The following TANC1 variants were observed in gnomAD, a reference collection of about 807,000 sequenced individuals.
TANC1 encodes tetratricopeptide repeat, ankyrin repeat and coiled-coil containing 1, also known as protein TANC1.
In TANC1, 77 loss-of-function variants were observed where a neutral mutation model predicts 149.7. The ratio of observed to expected loss-of-function variants is 0.51; its 90% CI spans 0.43 to 0.62. The LOEUF (loss-of-function observed/expected upper bound fraction) is 0.62. Among genes scored for constraint, TANC1 ranks in the 20% least tolerant of loss-of-function variants. The probability of loss-of-function intolerance (pLI) is 0.00; values close to 1 mark genes in which losing one functional copy is unlikely to be tolerated. For missense variants in TANC1, 1,985 were observed against 2,321.8 expected (o/e 0.85, Z 2.98); for synonymous variants, 854 against 925.0 (o/e 0.92, Z 1.39).
intron 2 of TANC1, among the ~76,000 whole-genome samples, chr2:159,033,522 CT>C (rs1379592669): frequency 6.6e-6 from 1 of 152,138 alleles, no homozygotes; most frequent in Non-Finnish European, 1.5e-5. Flanking sequence ...ATGGGATACA[CT>C]TTGGGAAACA....
In TANC1 at chr2:159,110,738, G is replaced by A. The variant is rs970202063; in HGVS notation, c.259+12904G>A. 9.9e-5 allele frequency among the ~76,000 whole-genome samples: 15 copies of A among 152,246 alleles called. 1 individual carries two copies. The highest frequency in any genetic ancestry group is 7.8e-4 in the Admixed American group (12 of 15,306). The stretch of plus-strand genomic sequence containing the variant: ...AATTTCCATGTCACCATCTTCCCTG[G>A]AGCCCATCTTCAGCTTCCCTCGTGT... On this transcript the variant is annotated intron_variant, in intron 4 of 26. Transcript: ENST00000263635.
chr2:159,178,228 G>T (rs532833510), intron 13 of TANC1, among the ~76,000 whole-genome samples: 3 of 152,332 alleles, frequency 2.0e-5, no homozygotes, highest in East Asian at 3.9e-4. Context: ...ATGGGTATCA[G>T]GTCACCTGCA....
chr2:159,156,693 C>G (rs538269727), intron 7 of TANC1, among the ~76,000 whole-genome samples: 1 of 152,294 alleles, frequency 6.6e-6, no homozygotes, highest in Non-Finnish European at 1.5e-5. Context: ...TAATCGAACT[C>G]TTTTCCAAAG....
At chr2:158,992,669 A>ATTTTTTTTTTTT (rs70994251) in intron 1 of TANC1, among the ~76,000 whole-genome samples, 59 of 112,496 alleles carry the variant, frequency 5.2e-4, no homozygotes, top group African/African-American at 9.0e-4. Context: ...TGCCCAGCTA[A>ATTTTTTTTTTTT]TTTTTTTTTT....
chr2:159,169,550 C>G (rs180918241), intron 9 of TANC1, among the ~76,000 whole-genome samples, 178 bp downstream of exon 9: 1 of 152,262 alleles, frequency 6.6e-6, no homozygotes, highest in African/African-American at 2.4e-5. Context: ...TTTGGGGCTT[C>G]TTCCTTTAAA....
At chr2:159,081,643 G>A (rs2044283035) in intron 3 of TANC1, among the ~76,000 whole-genome samples, 1 of 152,178 alleles carries the variant, frequency 6.6e-6, no homozygotes, top group African/African-American at 2.4e-5. Context: ...TGGATTTTGT[G>A]TATGGGAGTA....
Position 159,059,545 on chromosome 2 carries a change from G to A in TANC1, c.-15-6351G>A, listed in dbSNP as rs2042082849. 2.0e-5 allele frequency among the ~76,000 whole-genome samples: 3 copies of A among 151,904 alleles called. No individual in the cohort carries two copies. The South Asian group carries it at 6.2e-4, about 32-fold the overall frequency. ...TATAAAAAAAAAAGAAGAACCAAAG[G>A]CCAATTCTTTACTTATCACAATTAT... On this transcript the variant is annotated intron_variant, in intron 2 of 26. Transcript: ENST00000263635.
rs746908319 is a variant in TANC1, at chr2:159,229,803, T to C, written c.4377T>C (p.Thr1459=). The C allele has an allele frequency of 1.2e-6, 2 of 1,612,976 alleles. No individual in the cohort carries two copies. The highest frequency in any genetic ancestry group is 4.5e-5 in the East Asian group (2 of 44,786). Residue 1459 remains threonine (T), a synonymous_variant, in exon 27 of 27, where the codon ACT becomes ACC. Transcript: ENST00000263635. Reference sequence around the variant, plus strand: ...GTGACCACTTTCACTCTGAGGAGACTGAAGAGGAAGAAACTTCTCCCCAGG... The same window carrying C: ...GTGACCACTTTCACTCTGAGGAGACCGAAGAGGAAGAAACTTCTCCCCAGG... ...GLSDHFHSEE[T]EEEETSPQEE...
intron 19 of TANC1, among the ~76,000 whole-genome samples, chr2:159,217,248 C>A (rs2059404492): frequency 6.6e-6 from 1 of 152,180 alleles, no homozygotes; most frequent in African/African-American, 2.4e-5. Context: ...AGCATGGCAT[C>A]CGAGCTCCAA....
Position 159,187,024 on chromosome 2 carries a change from G to A in TANC1, c.2742G>A (p.Lys914=), listed in dbSNP as rs748573576. Residue 914 remains lysine (K), a splice_region_variant and synonymous_variant, in exon 16 of 27, where the codon AAG becomes AAA. Coordinates refer to ENST00000263635, the MANE Select transcript of TANC1 (RefSeq NM_033394.3). ...SLRNLYTPNV[K]VSRLLILGGA... ...GGAATCTCTATACTCCCAACGTGAA[G>A]GTGAGCAACCTTCTGCACAGAGAGC... is the stretch of plus-strand genomic sequence containing the variant. 16 of 1,614,082 alleles carry A rather than the reference G, an allele frequency of 9.9e-6. No individual in the cohort carries two copies. Among genetic ancestry groups the A allele is most frequent in the Non-Finnish European group, 1.4e-5 (16 of 1,179,990 alleles).
chr2:159,130,323 G>A (rs2049948577), intron 4 of TANC1, among the ~76,000 whole-genome samples: 1 of 152,134 alleles, frequency 6.6e-6, no homozygotes, highest in African/African-American at 2.4e-5. Flanking sequence ...AAGTAAAAGG[G>A]GGAAGTTAAA....
chr2:159,228,237 G>A, intron 25 of TANC1: 1 of 422,536 alleles, frequency 2.4e-6, no homozygotes, highest in Non-Finnish European at 4.2e-6. Flanking sequence ...CTCCTCTGCA[G>A]CTTCCCAACA....
chr2:159,131,930 A>G (rs1219545285), intron 4 of TANC1, among the ~76,000 whole-genome samples: 1 of 152,264 alleles, frequency 6.6e-6, no homozygotes, highest in Non-Finnish European at 1.5e-5. Flanking sequence ...AGTAGGATGC[A>G]TAAACGATTT....
At chr2:159,011,557 AC>A (rs1461737015) in intron 2 of TANC1, among the ~76,000 whole-genome samples, 1 of 136,610 alleles carries the variant, frequency 7.3e-6, no homozygotes, top group African/African-American at 2.7e-5. Context: ...TTTTGCCAAG[AC>A]AAGGTCTCAC....
chr2:159,161,634 T>C (rs557600579), intron 7 of TANC1, among the ~76,000 whole-genome samples: 6 of 152,326 alleles, frequency 3.9e-5, no homozygotes, highest in Admixed American at 2.6e-4. Flanking sequence ...AACACCACCA[T>C]TGGCATTTTT....
In TANC1 at chr2:159,037,702, C is replaced by G. The variant is rs369783985; in HGVS notation, c.-15-28194C>G. ...TCATTTCTGAGGCCTCTGTTCTGTT[C>G]CATTGGTCTATCTCTCTGTTTTGGT... is the stretch of plus-strand genomic sequence containing the variant. On this transcript the variant is annotated intron_variant, in intron 2 of 26. Transcript: ENST00000263635. Among the ~76,000 whole-genome samples the G allele has an allele frequency of 3.9e-5, 6 of 152,238 alleles. No homozygotes were observed. The East Asian group carries it at 9.7e-4, about 24-fold the overall frequency.
chr2:159,186,801 C>G, intron 15 of TANC1, 101 bp from the exon 16 acceptor site: 2 of 1,500,404 alleles, frequency 1.3e-6, no homozygotes, highest in Non-Finnish European at 1.8e-6. Flanking sequence ...TCTGCACCCT[C>G]TGCGGCAGAC....
At chr2:158,995,622 C>T (rs1465622060) in intron 1 of TANC1, among the ~76,000 whole-genome samples, 1 of 152,174 alleles carries the variant, frequency 6.6e-6, no homozygotes. Context: ...GAGAAACCTT[C>T]CAGACAGAGG....
intron 3 of TANC1, among the ~76,000 whole-genome samples, chr2:159,095,310 T>A (rs2045981778): frequency 6.6e-6 from 1 of 152,146 alleles, no homozygotes; most frequent in South Asian, 2.1e-4. Flanking sequence ...GAGTGATAAA[T>A]CTTTAGTTTC....
Sources: gnomAD v4.1 joint callset for allele counts (sites outside exome capture counted in the v4.1 genomes callset) on GRCh38, gnomAD v4.1.1 for gene constraint, MANE v1.5 for transcripts, NCBI Gene and HGNC (gene_info 2026-07-23, HGNC 2026-07-21) for gene names.